Variants in LRMDA observed in about 807,000 individuals in gnomAD.
The protein encoded by LRMDA is leucine rich melanocyte differentiation associated.
LRMDA carries 18 observed loss-of-function variants against 29.8 expected under a neutral mutation model. That is an observed-to-expected ratio of 0.60 (90% confidence interval 0.42 to 0.90). The LOEUF (loss-of-function observed/expected upper bound fraction) is 0.90. Among genes scored for constraint, LRMDA ranks in the 40% least tolerant of loss-of-function variants. LRMDA has a pLI of 0.00. For synonymous variants in LRMDA, 125 were observed against 109.4 expected, an observed-to-expected ratio of 1.14 and a Z score of -0.89; for missense variants, 273 against 273.9, an observed-to-expected ratio of 1.00 and a Z score of 0.02.
At chr10:75,730,853 T>C (rs914166795) in intron 2 of LRMDA, among the ~76,000 whole-genome samples, 1 of 152,092 alleles carries the variant, frequency 6.6e-6, no homozygotes, top group Non-Finnish European at 1.5e-5. Flanking sequence ...ATTAAATATA[T>C]AGGAAACTTG....
intron 5 of LRMDA, among the ~76,000 whole-genome samples, chr10:76,183,671 A>C (rs1419400305): frequency 6.6e-6 from 1 of 152,220 alleles, no homozygotes; most frequent in Non-Finnish European, 1.5e-5. Context: ...AATATGCTAC[A>C]CTTGTGAAAA....
intron 2 of LRMDA, among the ~76,000 whole-genome samples, chr10:75,543,227 A>G (rs1251420608): frequency 2.0e-5 from 3 of 152,194 alleles, no homozygotes; most frequent in Non-Finnish European, 2.9e-5. Flanking sequence ...CCTCTCTCGC[A>G]TGAGGCCATG....
chr10:75,645,488 T>G (rs573160246), intron 2 of LRMDA, among the ~76,000 whole-genome samples: 1 of 152,084 alleles, frequency 6.6e-6, no homozygotes, highest in South Asian at 2.1e-4. Flanking sequence ...GGGGCAGGAA[T>G]AATCAACTGT....
chr10:75,826,174 A>G (rs569755527), intron 2 of LRMDA, among the ~76,000 whole-genome samples: 2 of 152,308 alleles, frequency 1.3e-5, no homozygotes, highest in South Asian at 4.1e-4. Context: ...TACATACTGG[A>G]TATCAAAGCC....
intron 2 of LRMDA, among the ~76,000 whole-genome samples, chr10:75,910,100 C>A (rs796784439): frequency 4.6e-5 from 7 of 152,260 alleles, no homozygotes; most frequent in African/African-American, 1.4e-4. Flanking sequence ...GGTTTTATTT[C>A]TTTGACATTG....
At chr10:76,307,325 G>C (rs888974925) in intron 5 of LRMDA, among the ~76,000 whole-genome samples, 1 of 152,154 alleles carries the variant, frequency 6.6e-6, no homozygotes, top group Non-Finnish European at 1.5e-5. Context: ...GTTGATGTCA[G>C]GATTGAGCCA....
At chr10:76,464,428 G>A (rs1000764058) in intron 6 of LRMDA, among the ~76,000 whole-genome samples, 1 of 152,154 alleles carries the variant, frequency 6.6e-6, no homozygotes, top group African/African-American at 2.4e-5. Flanking sequence ...AGACGGGGCT[G>A]GGAAAAGAGC....
At chr10:75,779,154 ACT>A (rs1843348158) in intron 2 of LRMDA, among the ~76,000 whole-genome samples, 1 of 151,894 alleles carries the variant, frequency 6.6e-6, no homozygotes, top group Non-Finnish European at 1.5e-5. Flanking sequence ...AGTCAGCATG[ACT>A]CTAAAATCTT....
At chr10:75,566,077 AC>A in intron 2 of LRMDA, among the ~76,000 whole-genome samples, 1 of 152,216 alleles carries the variant, frequency 6.6e-6, no homozygotes, top group East Asian at 1.9e-4. Flanking sequence ...CCTGTAAGGA[AC>A]TGAAATCATG....
intron 2 of LRMDA, among the ~76,000 whole-genome samples, chr10:75,632,299 G>T (rs1841333622): frequency 6.6e-6 from 1 of 152,226 alleles, no homozygotes; most frequent in South Asian, 2.1e-4. Context: ...ACTTTTCAGA[G>T]AGGCTTAAAT....
chr10:75,750,807 G>T (rs1376984625), intron 2 of LRMDA, among the ~76,000 whole-genome samples: 7 of 150,914 alleles, frequency 4.6e-5, no homozygotes, highest in African/African-American at 1.7e-4. Context: ...TGGCAGCCGG[G>T]AAGAGGCGCT....
At chr10:76,304,542 G>T (rs934051399) in intron 5 of LRMDA, among the ~76,000 whole-genome samples, 2 of 152,302 alleles carry the variant, frequency 1.3e-5, no homozygotes, top group South Asian at 4.1e-4. Context: ...GTTTGCAGGG[G>T]TTGGGGTATG....
chr10:75,770,308 T>A (rs1015879865), intron 2 of LRMDA, among the ~76,000 whole-genome samples: 4 of 152,114 alleles, frequency 2.6e-5, no homozygotes, highest in Non-Finnish European at 5.9e-5. Flanking sequence ...AGAATTAATT[T>A]AAAAACTTAC....
intron 2 of LRMDA, among the ~76,000 whole-genome samples, chr10:75,757,290 CA>C (rs1267874651): frequency 4.6e-5 from 7 of 152,182 alleles, no homozygotes; most frequent in African/African-American, 1.7e-4. Flanking sequence ...AGTCAGCACT[CA>C]GGGGAAGAAG....
At chr10:76,116,154 A>T (rs67304285) in intron 5 of LRMDA, among the ~76,000 whole-genome samples, 23,759 of 152,142 alleles carry the variant, frequency 0.16, 2,207 homozygotes, top group Admixed American at 0.24. Flanking sequence ...GTACACTAGG[A>T]CAAGTGCTCC....
chr10:75,821,423 A>G (rs184737266), intron 2 of LRMDA, among the ~76,000 whole-genome samples: 1 of 152,238 alleles, frequency 6.6e-6, no homozygotes, highest in Admixed American at 6.5e-5. Flanking sequence ...TCATATGATC[A>G]TATCAATAGA....
intron 2 of LRMDA, among the ~76,000 whole-genome samples, chr10:75,770,803 A>T (rs1415880958): frequency 6.6e-6 from 1 of 152,216 alleles, no homozygotes; most frequent in African/African-American, 2.4e-5. Context: ...ACGCTATTTC[A>T]TCAAGGAATA....
At chr10:76,169,485 T>C (rs1316614089) in intron 5 of LRMDA, among the ~76,000 whole-genome samples, 2 of 152,084 alleles carry the variant, frequency 1.3e-5, no homozygotes, top group East Asian at 1.9e-4. Flanking sequence ...TTAGAGCAGA[T>C]GGGAAGTTGG....
chr10:76,424,148 A>G (rs954250135), intron 6 of LRMDA, among the ~76,000 whole-genome samples: 1 of 152,226 alleles, frequency 6.6e-6, no homozygotes, highest in Non-Finnish European at 1.5e-5. Context: ...GTCTGATAAA[A>G]GTGATTTTTG....
Sources: allele counts gnomAD v4.1 joint callset (sites outside exome capture counted in the v4.1 genomes callset), GRCh38; gene constraint gnomAD v4.1.1; transcripts MANE v1.5; gene names NCBI Gene and HGNC (gene_info 2026-07-23, HGNC 2026-07-21).